Variants in PDE1C observed in about 807,000 individuals in gnomAD.
PDE1C encodes phosphodiesterase 1C.
A neutral mutation model predicts 93.1 loss-of-function variants in PDE1C; 62 were observed. The ratio of observed to expected loss-of-function variants is 0.67; its 90% confidence interval spans 0.54 to 0.82. The LOEUF (loss-of-function observed/expected upper bound fraction) is 0.82. Among genes scored for constraint, PDE1C ranks in the 40% least tolerant of loss-of-function variants. The pLI is 0.00. For missense variants in PDE1C, 742 were observed against 884.6 expected (o/e 0.84, Z 2.04); for synonymous variants, 325 against 310.1 (o/e 1.05, Z -0.50).
the PDE1C span, among the ~76,000 whole-genome samples, chr7:31,745,426 C>CT: frequency 2.0e-5 from 3 of 152,158 alleles, no homozygotes; most frequent in African/African-American, 7.2e-5. Context: ...GGGATGGTCC[C>CT]TGCTCTCCAG....
chr7:31,621,503 A>ACTAAG, the PDE1C span, among the ~76,000 whole-genome samples: 1 of 143,920 alleles, frequency 6.9e-6, no homozygotes, highest in South Asian at 2.3e-4. Context: ...ATCCAGCCAA[A>ACTAAG]CTAAGCTTCA....
intron 1 of PDE1C, among the ~76,000 whole-genome samples, chr7:32,295,153 C>A (rs1248189522): frequency 6.6e-6 from 1 of 152,240 alleles, no homozygotes; most frequent in Non-Finnish European, 1.5e-5. Flanking sequence ...GCAACCCCAC[C>A]CTGTCCCACA....
At chr7:31,882,305 C>T (rs772861067) in intron 2 of PDE1C, among the ~76,000 whole-genome samples, 2 of 152,160 alleles carry the variant, frequency 1.3e-5, no homozygotes, top group Non-Finnish European at 2.9e-5. Context: ...ATTAGCAGCA[C>T]TGGGAAGAGT....
chr7:31,654,459 A>G, the PDE1C span, among the ~76,000 whole-genome samples: 1 of 152,138 alleles, frequency 6.6e-6, no homozygotes, highest in Non-Finnish European at 1.5e-5. Context: ...GGTTTTAAGC[A>G]GGGTCGTCAT....
At chr7:31,934,745 G>A (rs750965411) in intron 2 of PDE1C, among the ~76,000 whole-genome samples, 4 of 152,052 alleles carry the variant, frequency 2.6e-5, no homozygotes, top group Non-Finnish European at 5.9e-5. Context: ...TAAATGCCCA[G>A]AAATTTTACT....
the PDE1C span, among the ~76,000 whole-genome samples, chr7:31,721,834 C>G: frequency 7.2e-5 from 11 of 152,166 alleles, no homozygotes; most frequent in Non-Finnish European, 1.3e-4. Flanking sequence ...CCTAAAGGGG[C>G]TGGAAGGAAA....
chr7:32,057,898 C>A (rs1229359847), intron 1 of PDE1C, among the ~76,000 whole-genome samples: 1 of 152,066 alleles, frequency 6.6e-6, no homozygotes, highest in Non-Finnish European at 1.5e-5. Flanking sequence ...AAGTGAGAGT[C>A]GATTAAACAT....
chr7:31,780,991 G>A (rs1210786050), intron 16 of PDE1C, among the ~76,000 whole-genome samples: 1 of 152,216 alleles, frequency 6.6e-6, no homozygotes, highest in Non-Finnish European at 1.5e-5. Context: ...CAGCTTATGT[G>A]ACTTGAGGTA....
the PDE1C span, chr7:31,655,862 C>G: frequency 3.0e-6 from 3 of 985,508 alleles, no homozygotes; most frequent in Non-Finnish European, 3.6e-6. Flanking sequence ...CCTGTAACGC[C>G]TACGGAATGA....
chr7:31,756,249 G>T (rs757228145), intron 17 of PDE1C, among the ~76,000 whole-genome samples: 1 of 152,246 alleles, frequency 6.6e-6, no homozygotes, highest in Non-Finnish European at 1.5e-5. Flanking sequence ...AGGGGATCAA[G>T]GTTGACACCA....
At chr7:32,311,280 A>G (rs1367565903) in intron 1 of PDE1C, among the ~76,000 whole-genome samples, 1 of 152,240 alleles carries the variant, frequency 6.6e-6, no homozygotes, top group African/African-American at 2.4e-5. Flanking sequence ...CAACCAAAAA[A>G]AAGTCCAGGA....
intron 3 of PDE1C, among the ~76,000 whole-genome samples, chr7:32,133,804 A>T (rs976773699): frequency 6.6e-5 from 10 of 152,186 alleles, no homozygotes; most frequent in Non-Finnish European, 8.8e-5. Flanking sequence ...TCAACAAGTC[A>T]ATCTTAACCC....
chr7:32,024,866 A>G (rs1584496573), intron 2 of PDE1C, among the ~76,000 whole-genome samples: 1 of 152,102 alleles, frequency 6.6e-6, no homozygotes, highest in Non-Finnish European at 1.5e-5. Flanking sequence ...CTCTTCCCTC[A>G]GGGAATATAA....
At chr7:32,271,602 T>G (rs1810970376) in intron 1 of PDE1C, among the ~76,000 whole-genome samples, 1 of 152,198 alleles carries the variant, frequency 6.6e-6, no homozygotes, top group African/African-American at 2.4e-5. Context: ...GTAACGTTCT[T>G]GTGAAAATGT....
At chr7:31,833,050 C>A (rs931792413) in intron 11 of PDE1C, among the ~76,000 whole-genome samples, 1 of 152,038 alleles carries the variant, frequency 6.6e-6, no homozygotes, top group Non-Finnish European at 1.5e-5. Context: ...GGAAGGGAGC[C>A]CGTGGGAGAT....
chr7:31,866,000 C>T (rs1036011250), intron 6 of PDE1C, among the ~76,000 whole-genome samples: 4 of 152,044 alleles, frequency 2.6e-5, no homozygotes, highest in African/African-American at 2.4e-5. Flanking sequence ...ATTGTTTTGT[C>T]GTCTGAAATA....
chr7:31,682,325 G>C, the PDE1C span, among the ~76,000 whole-genome samples: 1 of 152,184 alleles, frequency 6.6e-6, no homozygotes, highest in Non-Finnish European at 1.5e-5. Context: ...GGAATGAAGA[G>C]ACATTTTGCA....
the PDE1C span, among the ~76,000 whole-genome samples, chr7:31,662,640 T>C: frequency 6.6e-6 from 1 of 152,228 alleles, no homozygotes; most frequent in Non-Finnish European, 1.5e-5. Flanking sequence ...TGCATGTATG[T>C]GTGCTGGATT....
intron 1 of PDE1C, among the ~76,000 whole-genome samples, chr7:32,358,337 T>C (rs1453742680): frequency 1.3e-5 from 2 of 152,200 alleles, no homozygotes; most frequent in Non-Finnish European, 1.5e-5. Context: ...GGAATGGGAA[T>C]TGGAAACAAA....
Sources: gnomAD v4.1 joint callset for allele counts (sites outside exome capture counted in the v4.1 genomes callset) on GRCh38, gnomAD v4.1.1 for gene constraint, MANE v1.5 for transcripts, NCBI Gene and HGNC (gene_info 2026-07-23, HGNC 2026-07-21) for gene names.